BTBD9: variants seen among roughly 807,000 people sequenced by gnomAD.
The protein encoded by BTBD9 is BTB domain containing 9, also known as BTB/POZ domain-containing protein 9.
BTBD9 carries 49 observed loss-of-function variants against 64.3 expected under a neutral mutation model. The ratio of observed to expected loss-of-function variants is 0.76; its 90% CI spans 0.61 to 0.97. The LOEUF (loss-of-function observed/expected upper bound fraction) is 0.97. Among genes scored for constraint, BTBD9 ranks in the 50% least tolerant of loss-of-function variants. The pLI is 0.00. For missense variants in BTBD9, 598 were observed against 762.1 expected, an observed-to-expected ratio of 0.78 and a Z score of 2.53; for synonymous variants, 260 against 274.7, an observed-to-expected ratio of 0.95 and a Z score of 0.53.
At chr6:38,313,437 G>A (rs1269562301) in intron 7 of BTBD9, among the ~76,000 whole-genome samples, 1 of 152,178 alleles carries the variant, frequency 6.6e-6, no homozygotes, top group African/African-American at 2.4e-5. Context: ...AGTGGTGAAA[G>A]TGGACATCCT....
chr6:38,171,870 A>T lies in BTBD9; in HGVS notation c.*3115T>A, dbSNP rs1355129732. 7.4e-5 allele frequency: 9 copies of T among 121,990 alleles called. No individual in the cohort carries two copies. Among genetic ancestry groups the T allele is most frequent in the Non-Finnish European group, 9.0e-5 (5 of 55,568 alleles). The allele number at this position is 121,990 out of a possible 1,614,324, so 7.6% of individuals were successfully genotyped here. A position where few individuals can be genotyped will look rare whatever the true frequency, so the allele number is the denominator to read the frequency against. On this transcript the variant is annotated 3_prime_UTR_variant, in exon 11 of 11. Transcript: ENST00000481247. ...TCAAAAAAAAAAAAAAAAAAAAAAA[A>T]AAAAAAAAAAAATAATAATAATAAT... is the stretch of plus-strand genomic sequence containing the variant.
intron 8 of BTBD9, among the ~76,000 whole-genome samples, chr6:38,278,756 A>G (rs1019886379): frequency 1.8e-4 from 27 of 152,348 alleles, no homozygotes; most frequent in African/African-American, 2.9e-4. Context: ...CAGAAGGTCT[A>G]AACACTCTTG....
chr6:38,283,455 C>T (rs1453954452), intron 8 of BTBD9, among the ~76,000 whole-genome samples: 1 of 152,086 alleles, frequency 6.6e-6, no homozygotes, highest in Non-Finnish European at 1.5e-5. Context: ...CGAGACCAGC[C>T]TAGGCAACAA....
rs957714142 is a variant in BTBD9 at position 38,564,875 on chromosome 6, G to C, written c.1154+12725C>G. Reference sequence around the variant, plus strand: ...CTGCTGCACTCCAGCCTGGGCGACAGAGCAAGACTCTGTCTCAAAAAAAAT... The same window carrying C: ...CTGCTGCACTCCAGCCTGGGCGACACAGCAAGACTCTGTCTCAAAAAAAAT... On this transcript the variant is annotated intron_variant, in intron 6 of 10. Coordinates refer to ENST00000481247, the MANE Select transcript of BTBD9 (RefSeq NM_001099272.2). 4.6e-5 allele frequency among the ~76,000 whole-genome samples: 7 copies of C among 151,992 alleles called. No individual in the cohort carries two copies. In the South Asian group the frequency reaches 1.0e-3, roughly 23 times the overall value.
chr6:38,452,681 A>T (rs1769612860), intron 6 of BTBD9, among the ~76,000 whole-genome samples: 1 of 152,084 alleles, frequency 6.6e-6, no homozygotes, highest in African/African-American at 2.4e-5. Flanking sequence ...TTTAAATTGT[A>T]GGTCTATGTG....
chr6:38,283,842 A>G (rs1012116586), intron 8 of BTBD9, among the ~76,000 whole-genome samples: 4 of 152,178 alleles, frequency 2.6e-5, no homozygotes, highest in African/African-American at 9.6e-5. Context: ...TGCCTAGGAA[A>G]GCAAGTCAGC....
chr6:38,313,249 T>C (rs938844919), intron 7 of BTBD9, among the ~76,000 whole-genome samples: 9 of 152,242 alleles, frequency 5.9e-5, no homozygotes, highest in Non-Finnish European at 1.2e-4. Context: ...CTTACAACTT[T>C]ACTGAATTGA....
At chr6:38,428,843 G>A (rs1440577123) in intron 6 of BTBD9, among the ~76,000 whole-genome samples, 1 of 151,040 alleles carries the variant, frequency 6.6e-6, no homozygotes, top group Non-Finnish European at 1.5e-5. Context: ...CTCCCGAGTA[G>A]CTGGGACTAC....
At chr6:38,551,961 T>C (rs945587473) in intron 6 of BTBD9, among the ~76,000 whole-genome samples, 6 of 152,312 alleles carry the variant, frequency 3.9e-5, no homozygotes, top group Middle Eastern at 3.4e-3. Context: ...TTATTAGGGA[T>C]TTTAAGAGTG....
At chr6:38,277,065 A>C (rs990857184) in intron 8 of BTBD9, among the ~76,000 whole-genome samples, 23 of 152,198 alleles carry the variant, frequency 1.5e-4, no homozygotes, top group African/African-American at 5.1e-4. Context: ...AACGAAACCA[A>C]ATAAAATTTA....
rs1762492569 is a variant in BTBD9, at chr6:38,202,267, A to C, written c.1563-9670T>G. On this transcript the variant is annotated intron_variant, in intron 9 of 10. Transcript: ENST00000481247. ...ACCCAGCTAATTTTTTTGTATTTTT[A>C]GTAGAAATGGGGTTTCACCATGTTG... Among the ~76,000 whole-genome samples the C allele has an allele frequency of 2.0e-5, 3 of 151,878 alleles. No individual in the cohort carries two copies. The South Asian group carries it at 6.2e-4, about 32-fold the overall frequency.
At chr6:38,389,328 C>T (rs1562115572) in intron 6 of BTBD9, among the ~76,000 whole-genome samples, 3 of 152,134 alleles carry the variant, frequency 2.0e-5, no homozygotes, top group Non-Finnish European at 4.4e-5. Context: ...GTTAATGATA[C>T]ATTACTGCAT....
chr6:38,461,129 C>T (rs1254120340), intron 6 of BTBD9, among the ~76,000 whole-genome samples: 3 of 152,168 alleles, frequency 2.0e-5, no homozygotes, highest in Non-Finnish European at 4.4e-5. Flanking sequence ...CCTCACATTC[C>T]CTTCTTAAGG....
At chr6:38,316,653 T>C (rs1041086896) in intron 7 of BTBD9, among the ~76,000 whole-genome samples, 11 of 152,224 alleles carry the variant, frequency 7.2e-5, no homozygotes, top group African/African-American at 2.7e-4. Flanking sequence ...TATATATGTC[T>C]TCAAAAGTTG....
intron 6 of BTBD9, among the ~76,000 whole-genome samples, chr6:38,478,316 G>C (rs1425966594): frequency 6.6e-6 from 1 of 152,088 alleles, no homozygotes; most frequent in Non-Finnish European, 1.5e-5. Flanking sequence ...TATTGATTTT[G>C]ACTATCATAT....
chr6:38,420,440 T>G (rs1254912551), intron 6 of BTBD9, among the ~76,000 whole-genome samples: 1 of 152,224 alleles, frequency 6.6e-6, no homozygotes, highest in Non-Finnish European at 1.5e-5. Context: ...CATGGACCTT[T>G]GAGAATGTTT....
intron 1 of BTBD9, among the ~76,000 whole-genome samples, chr6:38,634,943 T>C (rs1778479909): frequency 6.6e-6 from 1 of 152,200 alleles, no homozygotes; most frequent in Non-Finnish European, 1.5e-5. Context: ...TATCTCCTGG[T>C]TCTCCATACA....
chr6:38,311,962 C>T (rs894824619), intron 7 of BTBD9, among the ~76,000 whole-genome samples: 11 of 152,070 alleles, frequency 7.2e-5, no homozygotes, highest in African/African-American at 2.2e-4. Context: ...CCTGGGTCCA[C>T]GCCATTCTCC....
intron 7 of BTBD9, among the ~76,000 whole-genome samples, 167 bp downstream of exon 7, chr6:38,344,817 T>C (rs71571313): frequency 0.057 from 8,690 of 152,310 alleles, 340 homozygotes; most frequent in South Asian, 0.11. Flanking sequence ...GGAATTACTA[T>C]ATTGAATACT....
Sources: gnomAD v4.1 joint callset for allele counts (sites outside exome capture counted in the v4.1 genomes callset) on GRCh38, gnomAD v4.1.1 for gene constraint, MANE v1.5 for transcripts, NCBI Gene and HGNC (gene_info 2026-07-23, HGNC 2026-07-21) for gene names.